FBXW8: variants seen among roughly 807,000 people sequenced by gnomAD.
The protein encoded by FBXW8 is F-box and WD repeat domain containing 8.
FBXW8 carries 57 observed loss-of-function variants against 65.3 expected under a neutral mutation model. The ratio of observed to expected loss-of-function variants is 0.87; its 90% confidence interval spans 0.71 to 1.09. The LOEUF (loss-of-function observed/expected upper bound fraction) is 1.09. Among genes scored for constraint, FBXW8 ranks in the 50% least tolerant of loss-of-function variants. FBXW8 has a pLI of 0.00. For missense variants in FBXW8, 777 were observed against 814.8 expected (o/e 0.95, Z 0.57); for synonymous variants, 308 against 330.2 (o/e 0.93, Z 0.73).
At chr12:116,991,928 C>T (rs188509550) in intron 7 of FBXW8, among the ~76,000 whole-genome samples, 1 of 152,186 alleles carries the variant, frequency 6.6e-6, no homozygotes, top group African/African-American at 2.4e-5. Flanking sequence ...ACAGGCACCT[C>T]AGCTGCATGA....
At chr12:117,023,429 A>C (rs1954148358) in intron 8 of FBXW8, among the ~76,000 whole-genome samples, 1 of 152,208 alleles carries the variant, frequency 6.6e-6, no homozygotes, top group African/African-American at 2.4e-5. Context: ...TTATTGTAGA[A>C]ACCAAGTAGG....
Position 117,027,900 on chromosome 12 carries a change from A to G in FBXW8, c.1653-128A>G, listed in dbSNP as rs142207231. ...TGTGAGTATCTGACGCTGTGTGCCC[A>G]GAGAACGCGTTTGTGAAGCTGAACC... On this transcript the variant is annotated intron_variant, in intron 10 of 10. Coordinates refer to ENST00000652555, the MANE Select transcript of FBXW8 (RefSeq NM_153348.3). 1.8e-3 allele frequency: 2,337 copies of G among 1,269,360 alleles called. 38 individuals carry two copies. The African/African-American group carries it at 0.029, about 16-fold the overall frequency. 78.6% of individuals were successfully genotyped at this position (1,269,360 alleles called of 1,614,324 possible).
At chr12:116,990,426 A>G (rs1953210980) in intron 7 of FBXW8, among the ~76,000 whole-genome samples, 1 of 152,142 alleles carries the variant, frequency 6.6e-6, no homozygotes, top group African/African-American at 2.4e-5. Flanking sequence ...TTCCTTTCTC[A>G]TGCTCTAAAA....
chr12:117,010,636 T>G (rs1223435266), intron 8 of FBXW8, among the ~76,000 whole-genome samples, 186 bp downstream of exon 8: 2 of 152,248 alleles, frequency 1.3e-5, no homozygotes, highest in African/African-American at 4.8e-5. Context: ...TGGATGTAGC[T>G]ATGTCTCTGC....
Position 116,964,793 on chromosome 12 carries a change from G to C in FBXW8, c.774G>C (p.Met258Ile). 10 of 1,613,292 alleles carry C rather than the reference G, an allele frequency of 6.2e-6. No individual in the cohort carries two copies. Among genetic ancestry groups the C allele is most frequent in the Non-Finnish European group, 7.6e-6 (9 of 1,179,976 alleles). Reference protein sequence around the residue: ...ESEDEEDEPGMQPNVSFVRIN... With the variant: ...ESEDEEDEPGIQPNVSFVRIN... ...AGGACGAGGAGGATGAGCCTGGAAT[G>C]CAGCCAAATGTCTCCTTTGTGAGGA... The change falls in exon 5 of 11, where the codon ATG (methionine) becomes ATC (isoleucine). Residue 258 changes from methionine to isoleucine, a missense_variant. Physicochemically the swap from Met to Ile is conservative, Grantham distance 10. Coordinates refer to ENST00000652555, the MANE Select transcript of FBXW8 (RefSeq NM_153348.3).
At chr12:116,913,769 T>C (rs7136880) in intron 1 of FBXW8, among the ~76,000 whole-genome samples, 10,804 of 152,084 alleles carry the variant, frequency 0.071, 998 homozygotes, top group African/African-American at 0.22. Flanking sequence ...TGTTCAAGGG[T>C]CTGTAGTATT....
chr12:117,027,519 C>A lies in FBXW8; in HGVS notation c.1652+15C>A. 2 of 1,601,312 alleles carry A rather than the reference C, an allele frequency of 1.2e-6. No homozygotes were observed. Among genetic ancestry groups the A allele is most frequent in the Non-Finnish European group, 1.7e-6 (2 of 1,168,648 alleles). On this transcript the variant is annotated intron_variant, in intron 10 of 10. Transcript: ENST00000652555. ...ACTCACAGGAGGTTAGTGGTGGGGC[C>A]GGGCGAGTAAGAGACCATCTTAGTT...
At chr12:117,016,362 C>T (rs1391404136) in intron 8 of FBXW8, among the ~76,000 whole-genome samples, 1 of 152,218 alleles carries the variant, frequency 6.6e-6, no homozygotes, top group East Asian at 1.9e-4. Flanking sequence ...ATTTCTCTGA[C>T]AGCCAGTGGT....
intron 5 of FBXW8, among the ~76,000 whole-genome samples, chr12:116,967,932 A>C (rs1309383227): frequency 6.6e-6 from 1 of 151,970 alleles, no homozygotes; most frequent in Non-Finnish European, 1.5e-5. Context: ...ACGCCCAGCT[A>C]ATTTTTTATA....
chr12:116,916,909 T>TATGA (rs1565895590), intron 1 of FBXW8, among the ~76,000 whole-genome samples: 1 of 61,374 alleles, frequency 1.6e-5, no homozygotes, highest in African/African-American at 3.0e-5. Flanking sequence ...TGTGTGTGTG[T>TATGA]GTGAGAGAGA....
rs573127256 is a variant in FBXW8, at chr12:116,980,638, C to T, written c.836-4568C>T. Among the ~76,000 whole-genome samples, 3 of 152,218 alleles carry T rather than the reference C, an allele frequency of 2.0e-5. No homozygotes were observed. In the East Asian group the frequency reaches 5.8e-4, roughly 29 times the overall value. ...TTATATCAGATTTAAAAAAAAATACCTATTTGAGAAGTGAATTTCCTTGAC... is the reference window on the plus strand; with the variant it reads ...TTATATCAGATTTAAAAAAAAATACTTATTTGAGAAGTGAATTTCCTTGAC... On this transcript the variant is annotated intron_variant, in intron 5 of 10. Transcript: ENST00000652555.
At chr12:116,916,055 A>G (rs982024229) in intron 1 of FBXW8, among the ~76,000 whole-genome samples, 2 of 152,172 alleles carry the variant, frequency 1.3e-5, no homozygotes, top group Non-Finnish European at 2.9e-5. Flanking sequence ...CGTGTATGGC[A>G]TTATCTGTGA....
rs1884313364 is a variant in FBXW8, at chr12:116,966,144, C to T, written c.835+1290C>T. Among the ~76,000 whole-genome samples, 3 of 152,044 alleles carry T rather than the reference C, an allele frequency of 2.0e-5. No individual in the cohort carries two copies. In the South Asian group the frequency reaches 6.2e-4, roughly 32 times the overall value. On this transcript the variant is annotated intron_variant, in intron 5 of 10. Transcript: ENST00000652555. ...GTTAGTAGACACTACTGATGGATTTCCTTTTCAGCCTATAGAAATTCAGCT... is the reference window on the plus strand; with the variant it reads ...GTTAGTAGACACTACTGATGGATTTTCTTTTCAGCCTATAGAAATTCAGCT...
chr12:116,968,635 G>T (rs1241868760), intron 5 of FBXW8, among the ~76,000 whole-genome samples: 1 of 152,196 alleles, frequency 6.6e-6, no homozygotes, highest in Non-Finnish European at 1.5e-5. Flanking sequence ...GGGTTACAGG[G>T]TAAATGCAAG....
intron 7 of FBXW8, among the ~76,000 whole-genome samples, chr12:116,990,035 A>C (rs895952060): frequency 1.3e-5 from 2 of 152,182 alleles, no homozygotes; most frequent in Non-Finnish European, 2.9e-5. Context: ...GCCTATTTTT[A>C]CATCTTACTT....
intron 1 of FBXW8, among the ~76,000 whole-genome samples, chr12:116,923,710 A>G (rs1881088197): frequency 6.8e-6 from 1 of 147,022 alleles, no homozygotes; most frequent in Non-Finnish European, 1.5e-5. Flanking sequence ...TTTTTAATTA[A>G]TTAATTAATT....
Position 117,027,958 on chromosome 12 carries a change from A to G in FBXW8, c.1653-70A>G, listed in dbSNP as rs1011545739. 23 of 1,599,852 alleles carry G rather than the reference A, an allele frequency of 1.4e-5. No homozygotes were observed. The African/African-American group carries it at 3.1e-4, about 21-fold the overall frequency. ...GGTCTCAGGCGAACGCCTCCTGCAC[A>G]GACAGAAGCGGCTGGGGTGAGGGCC... is the stretch of plus-strand genomic sequence containing the variant. On this transcript the variant is annotated intron_variant, in intron 10 of 10. Coordinates refer to ENST00000652555, the MANE Select transcript of FBXW8 (RefSeq NM_153348.3).
chr12:116,997,552 G>A (rs890305802), intron 7 of FBXW8, among the ~76,000 whole-genome samples: 1 of 152,124 alleles, frequency 6.6e-6, no homozygotes, highest in Non-Finnish European at 1.5e-5. Context: ...CACTTGTTAG[G>A]TGCCTCCTTC....
chr12:116,992,096 A>G (rs1953255379), intron 7 of FBXW8, among the ~76,000 whole-genome samples: 1 of 152,238 alleles, frequency 6.6e-6, no homozygotes, highest in African/African-American at 2.4e-5. Flanking sequence ...CTTGTCAAGG[A>G]ACCTAGCTCT....
Sources: gnomAD v4.1 joint callset for allele counts (sites outside exome capture counted in the v4.1 genomes callset) on GRCh38, gnomAD v4.1.1 for gene constraint, MANE v1.5 for transcripts, NCBI Gene and HGNC (gene_info 2026-07-23, HGNC 2026-07-21) for gene names.